The following DIP2A variants were observed in gnomAD, a reference collection of about 807,000 sequenced individuals.
DIP2A encodes the protein disco-interacting protein 2 homolog A.
Under a neutral mutation model 177.4 loss-of-function variants are expected in DIP2A, and 85 were observed. The ratio of observed to expected loss-of-function variants is 0.48; its 90% CI spans 0.40 to 0.57. The LOEUF (loss-of-function observed/expected upper bound fraction) is 0.57. Among genes scored for constraint, DIP2A ranks in the 20% least tolerant of loss-of-function variants. The probability of loss-of-function intolerance (pLI) is 0.00; values close to 1 mark genes in which losing one functional copy is unlikely to be tolerated. For synonymous variants in DIP2A, 886 were observed against 881.8 expected, an observed-to-expected ratio of 1.00 and a Z score of -0.08; for missense variants, 1,791 against 2,100.2, an observed-to-expected ratio of 0.85 and a Z score of 2.88.
In DIP2A at chr21:46,541,785, G is replaced by C. The variant is rs2059829282; in HGVS notation, c.2066G>C (p.Arg689Thr). 3 of 1,613,870 alleles carry C rather than the reference G, an allele frequency of 1.9e-6. No homozygotes were observed. Among genetic ancestry groups the C allele is most frequent in the Admixed American group, 3.3e-5 (2 of 60,008 alleles). Residue 689 changes from arginine to threonine, a missense_variant, in exon 18 of 38, where the codon AGA becomes ACA. Coordinates refer to ENST00000417564, the MANE Select transcript of DIP2A (RefSeq NM_015151.4). ...CCTGATCTGGGAGGACCACCTCCAAGAAAAGCAGTCCTGTCGATGAACGGT... is the reference window on the plus strand; with the variant it reads ...CCTGATCTGGGAGGACCACCTCCAACAAAAGCAGTCCTGTCGATGAACGGT... ...RPPDLGGPPP[R>T]KAVLSMNGLS...
intron 1 of DIP2A, among the ~76,000 whole-genome samples, chr21:46,465,511 G>A (rs892651630): frequency 2.0e-5 from 3 of 152,140 alleles, no homozygotes; most frequent in African/African-American, 7.2e-5. Flanking sequence ...GAGGCAGAGG[G>A]AGACTATTTT....
chr21:46,501,662 A>G (rs2057659568), intron 5 of DIP2A, among the ~76,000 whole-genome samples: 1 of 150,474 alleles, frequency 6.6e-6, no homozygotes, highest in Non-Finnish European at 1.5e-5. Flanking sequence ...GGCTCAAGTG[A>G]TCCTCATGCC....
the DIP2A span, among the ~76,000 whole-genome samples, chr21:46,582,968 C>A: frequency 6.6e-6 from 1 of 151,920 alleles, no homozygotes; most frequent in African/African-American, 2.4e-5. Context: ...AGCAAACAAA[C>A]AAAAACAAAA....
intron 37 of DIP2A, 149 bp downstream of exon 37, chr21:46,566,832 G>A (rs2060852703): frequency 6.4e-6 from 7 of 1,098,986 alleles, no homozygotes; most frequent in South Asian, 1.6e-5. Context: ...AGTGGAGCTG[G>A]GTGCCATGTA....
chr21:46,472,467 T>G (rs2055476104), intron 1 of DIP2A, among the ~76,000 whole-genome samples: 1 of 152,200 alleles, frequency 6.6e-6, no homozygotes, highest in African/African-American at 2.4e-5. Context: ...GGCAATATCA[T>G]GAAATGTGTA....
At chr21:46,489,508 G>A (rs1223784561) in intron 2 of DIP2A, among the ~76,000 whole-genome samples, 4 of 152,114 alleles carry the variant, frequency 2.6e-5, no homozygotes, top group Non-Finnish European at 5.9e-5. Flanking sequence ...TCTAGACTTG[G>A]TGTGTGGTGT....
At chr21:46,533,777 T>G (rs1284041890) in intron 11 of DIP2A, 130 bp downstream of exon 11, 2 of 1,399,840 alleles carry the variant, frequency 1.4e-6, no homozygotes, top group Non-Finnish European at 2.0e-6. Context: ...TTCGAGTCCT[T>G]GGTGAATCTC....
At chr21:46,530,625 C>T (rs1024433533) in intron 9 of DIP2A, among the ~76,000 whole-genome samples, 2 of 152,142 alleles carry the variant, frequency 1.3e-5, no homozygotes, top group African/African-American at 4.8e-5. Context: ...CAAGAAGACA[C>T]AACACCTGAC....
rs1190963219 is a variant in DIP2A at position 46,459,191 on chromosome 21, C to G, written c.60C>G (p.Ser20Arg). The change falls in exon 1 of 38, where the codon AGC becomes AGG. Residue 20 changes from serine to arginine, a missense_variant. Ser to Arg is a moderately radical substitution (Grantham distance 110, BLOSUM62 -1). Coordinates refer to ENST00000417564, the MANE Select transcript of DIP2A (RefSeq NM_015151.4). ...CGCTGCCTGCCGAGGTGCGGGAGAG[C>G]CTGGCTGAGCTGGAGCTGGAGCTGT... ...AAPLPAEVRE[S>R]LAELELELSE... 6.6e-7 allele frequency: 1 copy of G among 1,525,374 alleles called. No homozygotes were observed. Among genetic ancestry groups the G allele is most frequent in the African/African-American group, 1.4e-5 (1 of 69,354 alleles). 94.5% of individuals were successfully genotyped at this position (1,525,374 alleles called of 1,614,324 possible).
rs928565960 is a variant in DIP2A, at chr21:46,566,692, C to T, written c.4463+9C>T. 8 of 1,614,002 alleles carry T rather than the reference C, an allele frequency of 5.0e-6. No homozygotes were observed. The highest frequency in any genetic ancestry group is 6.8e-6 in the Non-Finnish European group (8 of 1,179,912). Reference sequence around the variant, plus strand: ...AGGAGCATCGCTGAGTGGTAAGAGCCCAGGTGGAGGGCGGCTTCACGTGGT... The same window carrying T: ...AGGAGCATCGCTGAGTGGTAAGAGCTCAGGTGGAGGGCGGCTTCACGTGGT... On this transcript the variant is annotated intron_variant, in intron 37 of 37. Transcript: ENST00000417564.
At chr21:46,581,399 T>A in the DIP2A span, among the ~76,000 whole-genome samples, 4 of 152,332 alleles carry the variant, frequency 2.6e-5, no homozygotes, top group South Asian at 6.2e-4. Flanking sequence ...CATAACTCCT[T>A]TAGCTCAATG....
At position 46,557,449 on chromosome 21, in the gene DIP2A, AC is replaced by A. The variant is rs923607317; in HGVS notation, c.3630-129del. 2.9e-5 allele frequency: 33 copies of A among 1,120,644 alleles called. No individual in the cohort carries two copies. The highest frequency in any genetic ancestry group is 2.4e-4 in the East Asian group (9 of 38,248). The allele number at this position is 1,120,644 out of a possible 1,614,324, so 69.4% of individuals were successfully genotyped here. The stretch of plus-strand genomic sequence containing the variant: ...CACCCTGTGGCATGTTTTCCACCAA[AC>A]CCCCCCACTTGGCGTCAGAACAGAA... On this transcript the variant is annotated intron_variant, in intron 30 of 37. Transcript: ENST00000417564. This position sits in a 1 kb window ranked among gnomAD's most constrained non-coding sequence, Gnocchi z 6.0.
chr21:46,553,828 G>C, intron 25 of DIP2A: 1 of 189,502 alleles, frequency 5.3e-6, no homozygotes, highest in South Asian at 1.0e-4. Context: ...TTGCATGCCT[G>C]TCCCTTCACT....
intron 8 of DIP2A, among the ~76,000 whole-genome samples, chr21:46,516,679 G>C (rs1001775665): frequency 6.6e-6 from 1 of 151,408 alleles, no homozygotes; most frequent in Non-Finnish European, 1.5e-5. Flanking sequence ...GTTTTTAGTA[G>C]AGACAGGGTT....
intron 1 of DIP2A, among the ~76,000 whole-genome samples, chr21:46,471,631 G>T (rs1366702335): frequency 5.9e-5 from 9 of 152,168 alleles, no homozygotes; most frequent in Non-Finnish European, 1.3e-4. Context: ...TATTGTCAGT[G>T]AAGACACAAC....
chr21:46,562,110 G>C (rs1397601851), intron 34 of DIP2A, among the ~76,000 whole-genome samples: 1 of 152,220 alleles, frequency 6.6e-6, no homozygotes, highest in Non-Finnish European at 1.5e-5. Context: ...GGCCATGGAG[G>C]GGGGTTCCGG....
chr21:46,536,421 GGAA>G (rs1179400983), intron 13 of DIP2A, among the ~76,000 whole-genome samples: 1 of 152,194 alleles, frequency 6.6e-6, no homozygotes, highest in East Asian at 1.9e-4. Context: ...AACGGGCAGA[GGAA>G]GAGTGACTTT....
chr21:46,557,861 G>T lies in DIP2A; in HGVS notation c.3798+108G>T, dbSNP rs1430699887. 33 of 1,369,116 alleles carry T rather than the reference G, an allele frequency of 2.4e-5. No individual in the cohort carries two copies. The highest frequency in any genetic ancestry group is 2.7e-5 in the Non-Finnish European group (28 of 1,020,138). The allele number at this position is 1,369,116 out of a possible 1,614,324, so 84.8% of individuals were successfully genotyped here. A position where few individuals can be genotyped will look rare whatever the true frequency, so the allele number is the denominator to read the frequency against. On this transcript the variant is annotated intron_variant, in intron 31 of 37. Coordinates refer to ENST00000417564, the MANE Select transcript of DIP2A (RefSeq NM_015151.4). This position sits in a 1 kb window ranked among gnomAD's most constrained non-coding sequence, Gnocchi z 6.0. ...CCCAAGGCCCCTCCCTGCAGTTGGAGGAAGTAGAGAAAACCCTTTCCCACT... is the reference window on the plus strand; with the variant it reads ...CCCAAGGCCCCTCCCTGCAGTTGGATGAAGTAGAGAAAACCCTTTCCCACT...
intron 7 of DIP2A, among the ~76,000 whole-genome samples, chr21:46,511,067 T>C (rs938538801): frequency 5.3e-5 from 8 of 152,228 alleles, no homozygotes; most frequent in Non-Finnish European, 8.8e-5. Flanking sequence ...AGGCTGTGGA[T>C]ACCTGGCTGT....
Sources: allele counts gnomAD v4.1 joint callset (sites outside exome capture counted in the v4.1 genomes callset), GRCh38; gene constraint gnomAD v4.1.1; non-coding constraint Gnocchi (gnomAD v3.1); transcripts MANE v1.5; gene names NCBI Gene and HGNC (gene_info 2026-07-23, HGNC 2026-07-21).